ARID1B: variants seen among roughly 807,000 people sequenced by gnomAD.
ARID1B encodes the protein AT-rich interaction domain 1B, also known as AT-rich interactive domain-containing protein 1B.
A neutral mutation model predicts 212.3 loss-of-function variants in ARID1B; 30 were observed. The observed-to-expected ratio is 0.14, with a 90% CI of 0.11 to 0.19. The LOEUF is 0.19. Ranked by LOEUF, ARID1B falls within the 10% of genes least tolerant of loss-of-function variation. The probability of loss-of-function intolerance (pLI) is 1.00; values close to 1 mark genes in which losing one functional copy is unlikely to be tolerated. For missense variants in ARID1B, 2,891 were observed against 3,204.0 expected, an observed-to-expected ratio of 0.90 and a Z score of 2.36; for synonymous variants, 1,402 against 1,301.7, an observed-to-expected ratio of 1.08 and a Z score of -1.66.
chr6:156,908,007 A>G (rs1053837115), intron 3 of ARID1B, among the ~76,000 whole-genome samples: 2 of 150,998 alleles, frequency 1.3e-5, no homozygotes, highest in African/African-American at 4.9e-5. Flanking sequence ...AAAACTGTTT[A>G]TAAAGCTATA....
intron 4 of ARID1B, among the ~76,000 whole-genome samples, chr6:156,972,084 A>G (rs921413147): frequency 6.6e-6 from 1 of 152,192 alleles, no homozygotes; most frequent in African/African-American, 2.4e-5. Flanking sequence ...ATAGTTCTGT[A>G]TTTAAACTTT....
intron 2 of ARID1B, among the ~76,000 whole-genome samples, chr6:156,856,178 C>T (rs13215338): frequency 0.015 from 2,302 of 152,238 alleles, 27 homozygotes; most frequent in Middle Eastern, 0.065. Flanking sequence ...GGTTGCCTAA[C>T]GTTAACTGGA....
intron 1 of ARID1B, among the ~76,000 whole-genome samples, chr6:156,817,650 A>G (rs1417728924): frequency 6.6e-6 from 1 of 151,964 alleles, no homozygotes; most frequent in African/African-American, 2.4e-5. Context: ...AAAACCACAC[A>G]CACAAAACTT....
chr6:157,014,442 T>G (rs1779789074), intron 4 of ARID1B, among the ~76,000 whole-genome samples: 1 of 152,228 alleles, frequency 6.6e-6, no homozygotes, highest in Admixed American at 6.5e-5. Flanking sequence ...AGTTAGGAAA[T>G]CAGCTATCAT....
At chr6:156,968,972 G>A (rs1240529641) in intron 4 of ARID1B, among the ~76,000 whole-genome samples, 1 of 152,222 alleles carries the variant, frequency 6.6e-6, no homozygotes, top group Non-Finnish European at 1.5e-5. Context: ...GTGGAGAGGT[G>A]GCCCCAGGGA....
chr6:156,925,946 AC>A (rs1017440871), intron 3 of ARID1B, among the ~76,000 whole-genome samples: 5 of 152,234 alleles, frequency 3.3e-5, no homozygotes, highest in African/African-American at 1.2e-4. Flanking sequence ...GGCCATTGCC[AC>A]CCAGTATGGC....
At chr6:157,059,119 G>C (rs11961696) in intron 4 of ARID1B, among the ~76,000 whole-genome samples, 1 of 151,368 alleles carries the variant, frequency 6.6e-6, no homozygotes, top group Non-Finnish European at 1.5e-5. Flanking sequence ...TGTGGTATCT[G>C]TTGGCATGAG....
In ARID1B at chr6:157,148,639, C is replaced by T; in HGVS notation, c.2777C>T (p.Pro926Leu). 3.8e-6 allele frequency: 6 copies of T among 1,588,502 alleles called. No individual in the cohort carries two copies. The highest frequency in any genetic ancestry group is 5.2e-6 in the Non-Finnish European group (6 of 1,159,170). ...TTTTGTTTAGGTAACTACTCCAGAC[C>T]CCCAGCGTATAGTGGGGTGCCCAGT... ...QYGPQGNYSR[P>L]PAYSGVPSAS... is the part of the protein sequence containing the mutation. Residue 926 changes from proline (P) to leucine (L), a missense_variant, in exon 8 of 20, where the codon CCC (proline) becomes CTC (leucine). By Grantham distance (98) the Pro-to-Leu change is moderately conservative. Around this residue, in one of 7 missense-constraint regions of ARID1B, gnomAD observed 1,643 missense variants for 1,544.0 expected, o/e 1.06. Coordinates refer to ENST00000636930, the MANE Select transcript of ARID1B (RefSeq NM_001374828.1). This position sits in a 1 kb window ranked among gnomAD's most constrained non-coding sequence, Gnocchi z 5.6.
At position 157,057,091 on chromosome 6, in the gene ARID1B, G is replaced by C. The variant is rs576178805; in HGVS notation, c.2248-27571G>C. Among the ~76,000 whole-genome samples the C allele has an allele frequency of 2.6e-5, 4 of 151,874 alleles. No individual in the cohort carries two copies. The South Asian group carries it at 8.3e-4, about 32-fold the overall frequency. ...GGCTCACTGAAAGCTCCGCCTCCTG[G>C]GTTCACGCCATTCTCCTGTCTCAGC... On this transcript the variant is annotated intron_variant, in intron 4 of 19. Coordinates refer to ENST00000636930, the MANE Select transcript of ARID1B (RefSeq NM_001374828.1).
Position 157,200,066 on chromosome 6 carries a change from G to A in ARID1B, c.4480-639G>A, listed in dbSNP as rs1003755124. Among the ~76,000 whole-genome samples the A allele has an allele frequency of 2.6e-5, 4 of 152,132 alleles. No individual in the cohort carries two copies. The highest frequency in any genetic ancestry group is 2.9e-5 in the Non-Finnish European group (2 of 68,016). ...CTCCCATCAGAGTCCCACCTACCCC[G>A]ATTAAGCACTGGTCCCGGAGCATCC... On this transcript the variant is annotated intron_variant, in intron 17 of 19. Transcript: ENST00000636930. The surrounding 1 kb of genome is among the most constrained non-coding windows in gnomAD (Gnocchi z 4.3).
chr6:157,120,479 G>C (rs889361999), intron 6 of ARID1B, among the ~76,000 whole-genome samples: 2 of 152,204 alleles, frequency 1.3e-5, no homozygotes, highest in Non-Finnish European at 2.9e-5. Context: ...CCTTGAACGG[G>C]CCATTAGTTC....
intron 1 of ARID1B, among the ~76,000 whole-genome samples, chr6:156,803,963 T>C (rs573448334): frequency 1.3e-5 from 2 of 152,244 alleles, no homozygotes; most frequent in East Asian, 3.9e-4. Context: ...GTGAAATAAG[T>C]GTTCATTAAA....
chr6:157,004,159 C>T (rs62422648), intron 4 of ARID1B, among the ~76,000 whole-genome samples: 40,771 of 151,986 alleles, frequency 0.27, 5,880 homozygotes, highest in Non-Finnish European at 0.32. Context: ...CTCGTTCTCC[C>T]GAAACCCTAG....
intron 4 of ARID1B, among the ~76,000 whole-genome samples, chr6:157,060,310 G>T (rs566724017): frequency 1.4e-4 from 22 of 152,250 alleles, no homozygotes; most frequent in Admixed American, 5.9e-4. Context: ...TTGTAATAGG[G>T]TATAGTAGAC....
Position 156,923,450 on chromosome 6 carries a change from A to G in ARID1B, c.2137-12016A>G, listed in dbSNP as rs974181287. On this transcript the variant is annotated intron_variant, in intron 3 of 19. Transcript: ENST00000636930. ...AGTGCACACACTCTAGAGAAAGAAT[A>G]TCTTGGTTCCCATCCCTTCTCCACC... 5.9e-5 allele frequency among the ~76,000 whole-genome samples: 9 copies of G among 152,220 alleles called. No homozygotes were observed. In the East Asian group the frequency reaches 1.5e-3, roughly 26 times the overall value.
At chr6:157,086,096 T>C (rs1784948064) in intron 5 of ARID1B, among the ~76,000 whole-genome samples, 1 of 152,244 alleles carries the variant, frequency 6.6e-6, no homozygotes, top group African/African-American at 2.4e-5. Flanking sequence ...CTTTTGTGCA[T>C]GCAAAGGGCT....
chr6:156,915,364 C>T (rs1582940456), intron 3 of ARID1B, among the ~76,000 whole-genome samples: 1 of 151,886 alleles, frequency 6.6e-6, no homozygotes, highest in Admixed American at 6.6e-5. Context: ...GTCAGAAGTT[C>T]GAGACCAGCC....
At chr6:157,021,916 C>G (rs1035101233) in intron 4 of ARID1B, among the ~76,000 whole-genome samples, 2 of 152,242 alleles carry the variant, frequency 1.3e-5, no homozygotes, top group African/African-American at 4.8e-5. Flanking sequence ...CCCCTAACCT[C>G]TGCGTCCCGC....
At chr6:157,083,133 A>G (rs1293737389) in intron 4 of ARID1B, among the ~76,000 whole-genome samples, 2 of 152,038 alleles carry the variant, frequency 1.3e-5, no homozygotes, top group Admixed American at 6.6e-5. Flanking sequence ...GAATCTTAGC[A>G]TTTTCCTCTG....
Sources: allele counts gnomAD v4.1 joint callset (sites outside exome capture counted in the v4.1 genomes callset), GRCh38; gene constraint gnomAD v4.1.1; regional missense constraint gnomAD v4.1.1; non-coding constraint Gnocchi (gnomAD v3.1); transcripts MANE v1.5; gene names NCBI Gene and HGNC (gene_info 2026-07-23, HGNC 2026-07-21).